Variants in NECTIN3 observed in about 807,000 individuals in gnomAD.
NECTIN3 encodes nectin cell adhesion molecule 3, also known as nectin-3.
A neutral mutation model predicts 49.4 loss-of-function variants in NECTIN3; 8 were observed. The observed-to-expected ratio is 0.16, with a 90% CI of 0.10 to 0.29. The LOEUF (loss-of-function observed/expected upper bound fraction) is 0.29. Among genes scored for constraint, NECTIN3 ranks in the 10% least tolerant of loss-of-function variants. The pLI is 1.00. For synonymous variants in NECTIN3, 277 were observed against 241.1 expected, an observed-to-expected ratio of 1.15 and a Z score of -1.38; for missense variants, 581 against 654.6, an observed-to-expected ratio of 0.89 and a Z score of 1.23.
intron 1 of NECTIN3, chr3:111,077,344 T>TTAAAAAAAAAAAAAAAA (rs551266587): frequency 1.3e-5 from 1 of 79,336 alleles, no homozygotes; most frequent in African/African-American, 3.6e-5. Context: ...ACTTTAATGG[T>TTAAAAAAAAAAAAAAAA]AAAAAAAAAA....
chr3:111,128,422 TATC>T (rs1258768951), intron 5 of NECTIN3, among the ~76,000 whole-genome samples: 2 of 152,192 alleles, frequency 1.3e-5, no homozygotes, highest in African/African-American at 4.8e-5. Flanking sequence ...TATACTCTTT[TATC>T]ATTCTGAGTG....
chr3:111,168,256 AAGAG>A (rs1012213439), intron 7 of NECTIN3, among the ~76,000 whole-genome samples: 3 of 152,140 alleles, frequency 2.0e-5, no homozygotes, highest in East Asian at 1.9e-4. Context: ...AGGCTTTGCA[AAGAG>A]AGAGAGTAAT....
At chr3:111,126,088 A>T in intron 4 of NECTIN3, 96 bp from the exon 5 acceptor site, 1 of 855,100 alleles carries the variant, frequency 1.2e-6, no homozygotes, top group Non-Finnish European at 1.6e-6. Context: ...TTTTATTTTG[A>T]CTAACATCTC....
downstream of NECTIN3, among the ~76,000 whole-genome samples, chr3:111,141,011 A>T (rs1276456230): frequency 6.6e-6 from 1 of 151,930 alleles, no homozygotes; most frequent in Non-Finnish European, 1.5e-5. Context: ...ATTACCACGT[A>T]AAATTCATCC....
Position 111,133,807 on chromosome 3 carries a change from C to G in NECTIN3, c.1242C>G (p.Leu414=). 1.9e-6 allele frequency: 3 copies of G among 1,613,926 alleles called. No homozygotes were observed. In the South Asian group the frequency reaches 3.3e-5, roughly 18 times the overall value. ...TIIASVVGGA[L]FIVLVSVLAG... ...TTGCTAGTGTAGTGGGTGGGGCTCT[C>G]TTCATAGTACTTGTAAGTGTTTTGG... The change falls in exon 6 of 6, where the codon CTC becomes CTG. Residue 414 remains leucine, a synonymous_variant. Transcript: ENST00000485303.
At chr3:111,073,287 GAT>G (rs2030931880) in intron 1 of NECTIN3, 1 of 152,190 alleles carries the variant, frequency 6.6e-6, no homozygotes, top group African/African-American at 2.4e-5. Flanking sequence ...TAAAAGGAGA[GAT>G]GTGTGCACAT....
chr3:111,160,219 C>T (rs747813252), intron 7 of NECTIN3, among the ~76,000 whole-genome samples: 3 of 152,100 alleles, frequency 2.0e-5, no homozygotes, highest in African/African-American at 7.2e-5. Flanking sequence ...TCTGCATGTA[C>T]GTATATATAT....
chr3:111,143,587 A>G (rs1004728672), intron 5 of NECTIN3, among the ~76,000 whole-genome samples: 5 of 152,116 alleles, frequency 3.3e-5, no homozygotes, highest in East Asian at 1.9e-4. Context: ...TGGTAAGTAG[A>G]TGAAACATAT....
chr3:111,178,119 G>T (rs1239721034), intron 7 of NECTIN3, among the ~76,000 whole-genome samples: 4 of 152,146 alleles, frequency 2.6e-5, no homozygotes, highest in African/African-American at 9.7e-5. Context: ...ATTTACCAGT[G>T]ATAACAAGAA....
intron 1 of NECTIN3, among the ~76,000 whole-genome samples, chr3:111,095,852 G>T (rs983567942): frequency 6.6e-6 from 1 of 152,182 alleles, no homozygotes; most frequent in Non-Finnish European, 1.5e-5. Context: ...AGCTGGAACT[G>T]TGAGTTCTTC....
At chr3:111,152,869 A>G (rs2035028265) in intron 7 of NECTIN3, among the ~76,000 whole-genome samples, 1 of 151,966 alleles carries the variant, frequency 6.6e-6, no homozygotes, top group South Asian at 2.1e-4. Flanking sequence ...ACCCATCATT[A>G]TATCTTTTTA....
intron 1 of NECTIN3, among the ~76,000 whole-genome samples, chr3:111,080,944 T>A (rs2031562427): frequency 6.6e-6 from 1 of 152,146 alleles, no homozygotes; most frequent in Non-Finnish European, 1.5e-5. Context: ...AGCTATGTCT[T>A]CAAGAGTTTA....
intron 4 of NECTIN3, among the ~76,000 whole-genome samples, chr3:111,125,493 A>G (rs1487874556): frequency 1.3e-5 from 2 of 152,216 alleles, no homozygotes; most frequent in Non-Finnish European, 1.5e-5. Flanking sequence ...GTGGGACTCT[A>G]CATGGTTTAG....
intron 1 of NECTIN3, chr3:111,193,271 G>T: frequency 6.5e-7 from 1 of 1,535,722 alleles, no homozygotes; most frequent in Non-Finnish European, 8.7e-7. Flanking sequence ...TTCAGCAGAT[G>T]TACCCCCTTT....
chr3:111,123,692 G>A lies in NECTIN3; in HGVS notation c.917+1454G>A, dbSNP rs114681984. Among the ~76,000 whole-genome samples, 1,278 of 152,236 alleles carry A rather than the reference G, an allele frequency of 8.4e-3. 5 individuals carry two copies. Among genetic ancestry groups the A allele is most frequent in the Middle Eastern group, 0.017 (5 of 294 alleles). On this transcript the variant is annotated intron_variant, in intron 4 of 5. Coordinates refer to ENST00000485303, the MANE Select transcript of NECTIN3 (RefSeq NM_015480.3). ...TCCTTCTAGTTTTCTGAGGTACAGTGAGTTGAACTCCAAATTTTTTTTTGG... is the reference window on the plus strand; with the variant it reads ...TCCTTCTAGTTTTCTGAGGTACAGTAAGTTGAACTCCAAATTTTTTTTTGG...
At chr3:111,107,850 A>G (rs905341043) in intron 1 of NECTIN3, among the ~76,000 whole-genome samples, 64 of 152,174 alleles carry the variant, frequency 4.2e-4, no homozygotes, top group African/African-American at 1.4e-3. Flanking sequence ...GGTTTTTAAC[A>G]TTTGGATTTC....
intron 7 of NECTIN3, among the ~76,000 whole-genome samples, chr3:111,167,505 A>G (rs2035341215): frequency 6.6e-6 from 1 of 152,192 alleles, no homozygotes; most frequent in South Asian, 2.1e-4. Flanking sequence ...TATTCTTTAT[A>G]TTTGTTGTTA....
chr3:111,146,248 A>C (rs1173627592), intron 6 of NECTIN3, among the ~76,000 whole-genome samples: 3 of 151,564 alleles, frequency 2.0e-5, no homozygotes, highest in South Asian at 2.1e-4. Flanking sequence ...TCCCGGCTAA[A>C]ACGGTGAAAC....
intron 5 of NECTIN3, among the ~76,000 whole-genome samples, chr3:111,144,005 T>C (rs1382075196): frequency 2.0e-5 from 3 of 152,056 alleles, no homozygotes; most frequent in African/African-American, 7.2e-5. Flanking sequence ...GGATTTAATA[T>C]AGCGAAATTG....
Sources: gnomAD v4.1 joint callset for allele counts (sites outside exome capture counted in the v4.1 genomes callset) on GRCh38, gnomAD v4.1.1 for gene constraint, MANE v1.5 for transcripts, NCBI Gene and HGNC (gene_info 2026-07-23, HGNC 2026-07-21) for gene names.